SYT1: variants seen among roughly 807,000 people sequenced by gnomAD.
SYT1 encodes synaptotagmin-1.
In SYT1, 8 loss-of-function variants were observed where a neutral mutation model predicts 44.8. The ratio of observed to expected loss-of-function variants is 0.18; its 90% CI spans 0.10 to 0.32. SYT1 has a LOEUF of 0.32. Among genes scored for constraint, SYT1 ranks in the 10% least tolerant of loss-of-function variants. SYT1 has a pLI of 1.00. For missense variants in SYT1, 286 were observed against 509.3 expected, an observed-to-expected ratio of 0.56 and a Z score of 4.22; for synonymous variants, 154 against 188.8, an observed-to-expected ratio of 0.82 and a Z score of 1.51.
intron 9 of SYT1, among the ~76,000 whole-genome samples, chr12:79,424,730 A>C (rs1869330411): frequency 6.6e-6 from 1 of 151,572 alleles, no homozygotes; most frequent in African/African-American, 2.4e-5. Context: ...GACTATTTTG[A>C]TTTTCTCAAA....
intron 9 of SYT1, among the ~76,000 whole-genome samples, chr12:79,426,393 A>T (rs1479125620): frequency 2.6e-5 from 4 of 152,086 alleles, no homozygotes; most frequent in Non-Finnish European, 5.9e-5. Context: ...ACAGGCAATT[A>T]TTCAAGGAAA....
intron 8 of SYT1, among the ~76,000 whole-genome samples, chr12:79,304,002 T>G (rs995000397): frequency 6.6e-6 from 1 of 152,202 alleles, no homozygotes; most frequent in Admixed American, 6.5e-5. Context: ...TGGATGCCAA[T>G]AAGAACCTTC....
chr12:79,189,521 G>A (rs974284451), intron 3 of SYT1, among the ~76,000 whole-genome samples: 3 of 152,092 alleles, frequency 2.0e-5, no homozygotes, highest in African/African-American at 7.2e-5. Flanking sequence ...TATTATATGA[G>A]AAACACTAAG....
At chr12:79,193,776 A>C (rs555994955) in intron 3 of SYT1, among the ~76,000 whole-genome samples, 1 of 152,318 alleles carries the variant, frequency 6.6e-6, no homozygotes, top group African/African-American at 2.4e-5. Context: ...ATACATGAAA[A>C]ATGGATGAAG....
At chr12:79,075,153 C>T (rs890576234) in intron 3 of SYT1, among the ~76,000 whole-genome samples, 1 of 152,190 alleles carries the variant, frequency 6.6e-6, no homozygotes. Context: ...ATTTTACATA[C>T]TGATGCAAAA....
At chr12:79,012,023 T>C (rs2137575363) in intron 2 of SYT1, among the ~76,000 whole-genome samples, 1 of 151,084 alleles carries the variant, frequency 6.6e-6, no homozygotes, top group East Asian at 2.0e-4. Context: ...TCCCAGCTAC[T>C]CGGGAGGCTG....
intron 1 of SYT1, among the ~76,000 whole-genome samples, chr12:78,958,058 A>G (rs1308500126): frequency 6.6e-6 from 1 of 152,110 alleles, no homozygotes; most frequent in East Asian, 1.9e-4. Context: ...ATTTTTATGG[A>G]AAAAAACCAT....
chr12:79,424,991 T>G (rs1018779664), intron 9 of SYT1, among the ~76,000 whole-genome samples: 1 of 148,058 alleles, frequency 6.8e-6, no homozygotes, highest in African/African-American at 2.5e-5. Flanking sequence ...TAATTTGCAC[T>G]TGTAAAAATT....
intron 3 of SYT1, among the ~76,000 whole-genome samples, chr12:79,214,916 T>A (rs1350022067): frequency 6.7e-6 from 1 of 149,118 alleles, no homozygotes; most frequent in Non-Finnish European, 1.5e-5. Flanking sequence ...ATTTTTTGAA[T>A]ACGTGCCTGT....
chr12:79,391,038 G>T (rs374242608), intron 9 of SYT1, among the ~76,000 whole-genome samples: 2 of 152,316 alleles, frequency 1.3e-5, no homozygotes, highest in South Asian at 4.1e-4. Context: ...CTAACTGCCT[G>T]CAAGGTGACT....
At chr12:79,411,803 C>G (rs1044150426) in intron 9 of SYT1, among the ~76,000 whole-genome samples, 3 of 151,910 alleles carry the variant, frequency 2.0e-5, no homozygotes, top group Non-Finnish European at 2.9e-5. Context: ...ATATACTTCT[C>G]TTAATACAAT....
intron 4 of SYT1, among the ~76,000 whole-genome samples, chr12:79,275,991 C>A (rs1183911549): frequency 3.3e-5 from 5 of 152,136 alleles, no homozygotes; most frequent in Non-Finnish European, 7.3e-5. Context: ...GAGTCTTTGA[C>A]ATGGAAAGCA....
chr12:78,917,264 C>T (rs1432692267), intron 1 of SYT1, among the ~76,000 whole-genome samples: 1 of 152,036 alleles, frequency 6.6e-6, no homozygotes, highest in East Asian at 1.9e-4. Flanking sequence ...TATCCTCCTA[C>T]ATCGTCTCTG....
chr12:79,179,217 T>TAC (rs1388675247), intron 3 of SYT1, among the ~76,000 whole-genome samples: 4 of 32,374 alleles, frequency 1.2e-4, no homozygotes, highest in Non-Finnish European at 2.2e-4. Flanking sequence ...TAGATATAGA[T>TAC]ATATAGATAT....
In SYT1 at chr12:79,346,313, C is replaced by T. The variant is rs770402281; in HGVS notation, c.811-7189C>T. Among the ~76,000 whole-genome samples, 18 of 152,128 alleles carry T rather than the reference C, an allele frequency of 1.2e-4. 1 individual carries two copies. In the Middle Eastern group the frequency reaches 0.01, roughly 86 times the overall value. On this transcript the variant is annotated intron_variant, in intron 8 of 10. Transcript: ENST00000261205. ...TCATTAATTTGTGTCTATTCAATGG[C>T]TGCATTTTTTTAAAAATAATGAAAT...
intron 3 of SYT1, among the ~76,000 whole-genome samples, chr12:79,195,109 A>G (rs938130782): frequency 4.6e-5 from 7 of 152,210 alleles, no homozygotes; most frequent in Non-Finnish European, 7.3e-5. Context: ...AGGCCATGGC[A>G]GACTGTATAA....
intron 4 of SYT1, among the ~76,000 whole-genome samples, chr12:79,230,410 A>G (rs1875802158): frequency 6.6e-6 from 1 of 152,158 alleles, no homozygotes. Flanking sequence ...TTTTAAATAA[A>G]TTACTGTCAT....
In SYT1 at chr12:78,924,093, G is replaced by A. The variant is rs190794961; in HGVS notation, c.-216-53706G>A. On this transcript the variant is annotated intron_variant, in intron 1 of 10. Coordinates refer to ENST00000261205, the MANE Select transcript of SYT1 (RefSeq NM_005639.3). Reference sequence around the variant, plus strand: ...GTCTCTCAATTTAAGTTTGTCAAATGTTTCCTCATGATGAAATTTATTCTA... The same window carrying A: ...GTCTCTCAATTTAAGTTTGTCAAATATTTCCTCATGATGAAATTTATTCTA... Among the ~76,000 whole-genome samples, 67 of 151,880 alleles carry A rather than the reference G, an allele frequency of 4.4e-4. 1 individual carries two copies. In the Middle Eastern group the frequency reaches 0.01, roughly 23 times the overall value.
chr12:79,031,104 T>C (rs1872802577), intron 2 of SYT1, among the ~76,000 whole-genome samples: 2 of 150,912 alleles, frequency 1.3e-5, no homozygotes. Flanking sequence ...TTTACATAAA[T>C]AACATCTATT....
Sources: allele counts gnomAD v4.1 joint callset (sites outside exome capture counted in the v4.1 genomes callset), GRCh38; gene constraint gnomAD v4.1.1; transcripts MANE v1.5; gene names NCBI Gene and HGNC (gene_info 2026-07-23, HGNC 2026-07-21).